Variants in DPP4 observed in about 807,000 individuals in gnomAD.
DPP4 encodes the protein ADCP-2.
A neutral mutation model predicts 122.4 loss-of-function variants in DPP4; 93 were observed. The ratio of observed to expected loss-of-function variants is 0.76; its 90% CI spans 0.64 to 0.90. DPP4 has a LOEUF of 0.90. DPP4 is among the 40% of genes least tolerant of loss of function. The probability of loss-of-function intolerance (pLI) is 0.00; values close to 1 mark genes in which losing one functional copy is unlikely to be tolerated. For missense variants in DPP4, 914 were observed against 907.3 expected, an observed-to-expected ratio of 1.01 and a Z score of -0.09; for synonymous variants, 321 against 302.9, an observed-to-expected ratio of 1.06 and a Z score of -0.62.
chr2:162,020,481 TA>T, intron 13 of DPP4, 99 bp downstream of exon 13: 1 of 1,063,172 alleles, frequency 9.4e-7, no homozygotes, highest in East Asian at 2.6e-5. Flanking sequence ...ATCTGATTTT[TA>T]TACACATTGA....
chr2:162,046,274 C>G (rs1283034830), intron 4 of DPP4, among the ~76,000 whole-genome samples: 1 of 152,006 alleles, frequency 6.6e-6, no homozygotes, highest in Admixed American at 6.6e-5. Flanking sequence ...CGAGGACTGT[C>G]CAGTGGAAAT....
intron 12 of DPP4, among the ~76,000 whole-genome samples, chr2:162,020,920 G>A (rs954525840): frequency 1.3e-5 from 2 of 152,186 alleles, no homozygotes; most frequent in Non-Finnish European, 2.9e-5. Context: ...TGTATATAAA[G>A]AGGCTTGTAG....
At chr2:162,056,128 GA>G (rs1246868159) in intron 2 of DPP4, among the ~76,000 whole-genome samples, 2 of 152,072 alleles carry the variant, frequency 1.3e-5, no homozygotes, top group Non-Finnish European at 2.9e-5. Context: ...CTTCCCCATG[GA>G]ATTCTCTACT....
Position 162,020,303 on chromosome 2 carries a change from GTTT to G in DPP4, c.1177-10_1177-8del, listed in dbSNP as rs34282135. 209 of 1,190,756 alleles carry G rather than the reference GTTT, an allele frequency of 1.8e-4. No homozygotes were observed. The highest frequency in any genetic ancestry group is 1.2e-3 in the South Asian group (76 of 65,970). The allele number at this position is 1,190,756 out of a possible 1,614,324, so 73.8% of individuals were successfully genotyped here. On this transcript the variant is annotated splice_polypyrimidine_tract_variant and splice_region_variant and intron_variant, in intron 13 of 25. Coordinates refer to ENST00000360534, the MANE Select transcript of DPP4 (RefSeq NM_001935.4). ...TTGTAATAAATGTGCAGTCCTGATG[GTTT>G]TTTTTTTTTTTCAAAAAAAAAAAAA...
chr2:162,016,720 G>T, intron 18 of DPP4, 48 bp downstream of exon 18: 2 of 1,241,410 alleles, frequency 1.6e-6, no homozygotes, highest in Non-Finnish European at 2.3e-6. Flanking sequence ...TAGTTAGAGT[G>T]CATTGGTGTT....
chr2:162,068,528 T>C (rs1337143106), intron 2 of DPP4, among the ~76,000 whole-genome samples: 1 of 152,150 alleles, frequency 6.6e-6, no homozygotes, highest in Non-Finnish European at 1.5e-5. Flanking sequence ...CCCTCCCACA[T>C]TGTATCAGGG....
intron 9 of DPP4, among the ~76,000 whole-genome samples, chr2:162,033,880 A>G (rs1168448063): frequency 6.9e-6 from 1 of 145,168 alleles, no homozygotes; most frequent in African/African-American, 2.5e-5. Flanking sequence ...ATATATATAT[A>G]TATATATATA....
intron 10 of DPP4, among the ~76,000 whole-genome samples, chr2:162,028,204 A>C (rs1683409883): frequency 6.6e-6 from 1 of 152,142 alleles, no homozygotes; most frequent in Admixed American, 6.5e-5. Flanking sequence ...TCTACTAAAA[A>C]TACAAAAATT....
At chr2:162,046,675 G>T in intron 4 of DPP4, 1 of 580,860 alleles carries the variant, frequency 1.7e-6, no homozygotes, top group Non-Finnish European at 3.3e-6. Flanking sequence ...GGAGGCAAAT[G>T]AAGATGGAGC....
At chr2:162,043,821 A>G (rs1240100446) in intron 5 of DPP4, among the ~76,000 whole-genome samples, 1 of 152,154 alleles carries the variant, frequency 6.6e-6, no homozygotes, top group Non-Finnish European at 1.5e-5. Flanking sequence ...TGAGGACAGG[A>G]GTTTGAGACC....
chr2:162,020,207 T>A, intron 14 of DPP4, 22 bp downstream of exon 14: 1 of 1,594,202 alleles, frequency 6.3e-7, no homozygotes, highest in Non-Finnish European at 8.5e-7. Flanking sequence ...GTTTATATCC[T>A]ATCAATTGTT....
chr2:162,005,888 G>A (rs1701272804), intron 22 of DPP4, 79 bp from the exon 23 acceptor site: 3 of 1,048,146 alleles, frequency 2.9e-6, no homozygotes, highest in African/African-American at 1.6e-5. Context: ...CCACTTCAGT[G>A]TTTCCATATG....
chr2:162,046,638 C>G (rs1235063924), intron 4 of DPP4: 2 of 522,024 alleles, frequency 3.8e-6, no homozygotes, highest in Non-Finnish European at 7.4e-6. Flanking sequence ...ATGAAATTCA[C>G]CAAAGGAGAG....
At chr2:162,044,860 A>C (rs1684118406) in intron 5 of DPP4, among the ~76,000 whole-genome samples, 1 of 151,904 alleles carries the variant, frequency 6.6e-6, no homozygotes, top group African/African-American at 2.4e-5. Context: ...AATAGTTTGT[A>C]TATGGTGGGG....
In DPP4 at chr2:162,011,793, C is replaced by T. The variant is rs756171880; in HGVS notation, c.1832G>A (p.Arg611Lys). The change falls in exon 20 of 26, where the codon AGA (arginine) becomes AAA (lysine). Residue 611 changes from arginine to lysine, a missense_variant and splice_region_variant. Physicochemically the swap from Arg to Lys is conservative, Grantham distance 26. Transcript: ENST00000360534. Reference sequence around the variant, plus strand: ...TTGACTTCATCTCCTAGTCACTCACCTGGCTGCTTCAATTTGATCTTCAAC... The same window carrying T: ...TTGACTTCATCTCCTAGTCACTCACTTGGCTGCTTCAATTTGATCTTCAAC... ...FEVEDQIEAA[R>K]QFSKMGFVDN... 20 of 1,612,970 alleles carry T rather than the reference C, an allele frequency of 1.2e-5. No individual in the cohort carries two copies. The highest frequency in any genetic ancestry group is 1.6e-4 in the Middle Eastern group (1 of 6,084).
intron 2 of DPP4, among the ~76,000 whole-genome samples, chr2:162,060,757 C>T (rs13015763): frequency 1.3e-5 from 2 of 152,136 alleles, no homozygotes; most frequent in Non-Finnish European, 2.9e-5. Flanking sequence ...AGGTGAGCTT[C>T]CTCCCCGATC....
At chr2:162,038,783 A>G (rs1683879734) in intron 7 of DPP4, among the ~76,000 whole-genome samples, 166 bp downstream of exon 7, 1 of 152,150 alleles carries the variant, frequency 6.6e-6, no homozygotes, top group Non-Finnish European at 1.5e-5. Context: ...GCATTCTGGA[A>G]GAGAGAAGTT....
At chr2:162,026,434 C>T (rs1349161568) in intron 10 of DPP4, among the ~76,000 whole-genome samples, 1 of 152,314 alleles carries the variant, frequency 6.6e-6, no homozygotes, top group East Asian at 1.9e-4. Context: ...AAACTATATA[C>T]TACCTAGTCT....
At chr2:162,047,674 A>T (rs1684236397) in intron 2 of DPP4, among the ~76,000 whole-genome samples, 173 bp from the exon 3 acceptor site, 1 of 152,178 alleles carries the variant, frequency 6.6e-6, no homozygotes, top group East Asian at 1.9e-4. Context: ...TGGAGTAAAC[A>T]TGCATTTAAC....
Sources: gnomAD v4.1 joint callset for allele counts (sites outside exome capture counted in the v4.1 genomes callset) on GRCh38, gnomAD v4.1.1 for gene constraint, MANE v1.5 for transcripts, NCBI Gene and HGNC (gene_info 2026-07-23, HGNC 2026-07-21) for gene names.